Variants in PARD3B observed in about 807,000 individuals in gnomAD.
PARD3B encodes partitioning defective 3 homolog B.
In PARD3B, 103 loss-of-function variants were observed where a neutral mutation model predicts 130.2. The ratio of observed to expected loss-of-function variants is 0.79; its 90% confidence interval spans 0.67 to 0.93. The LOEUF (loss-of-function observed/expected upper bound fraction) is 0.93, where lower values mean the gene tolerates loss of function less well. Ranked by LOEUF, PARD3B falls within the 40% of genes least tolerant of loss-of-function variation. The pLI is 0.00. For synonymous variants in PARD3B, 583 were observed against 553.2 expected, an observed-to-expected ratio of 1.05 and a Z score of -0.76; for missense variants, 1,609 against 1,499.2, an observed-to-expected ratio of 1.07 and a Z score of -1.21.
intron 2 of PARD3B, among the ~76,000 whole-genome samples, chr2:204,928,033 A>G (rs1687762176): frequency 6.6e-6 from 1 of 152,132 alleles, no homozygotes; most frequent in Admixed American, 6.6e-5. Flanking sequence ...ATGAGTCCAC[A>G]TGTTAGCTGA....
chr2:205,206,529 C>T (rs1021071220), intron 15 of PARD3B, among the ~76,000 whole-genome samples: 4 of 151,182 alleles, frequency 2.6e-5, no homozygotes, highest in Non-Finnish European at 4.4e-5. Context: ...ATCCATGTCC[C>T]TACAAAGGAC....
intron 1 of PARD3B, among the ~76,000 whole-genome samples, chr2:204,666,718 GA>G (rs202241554): frequency 2.0e-5 from 3 of 150,488 alleles, no homozygotes; most frequent in South Asian, 2.1e-4. Context: ...CATTTGCTAT[GA>G]AAAAAAAACA....
chr2:205,214,461 T>C (rs1484234686), intron 15 of PARD3B, among the ~76,000 whole-genome samples: 1 of 150,490 alleles, frequency 6.6e-6, no homozygotes, highest in Non-Finnish European at 1.5e-5. Flanking sequence ...CAGTATTAGT[T>C]GTCACGAAAA....
At chr2:204,736,079 T>A (rs1055338418) in intron 2 of PARD3B, among the ~76,000 whole-genome samples, 2 of 152,058 alleles carry the variant, frequency 1.3e-5, no homozygotes, top group Admixed American at 1.3e-4. Context: ...AGAAGGCACA[T>A]CCCTCTTACT....
chr2:205,363,862 T>C (rs6435281), intron 18 of PARD3B, among the ~76,000 whole-genome samples: 13,513 of 95,266 alleles, frequency 0.14, 950 homozygotes, highest in Middle Eastern at 0.17. Flanking sequence ...TTTTTTTTTT[T>C]CGCCATGTTG....
At chr2:204,714,737 G>A (rs1012415877) in intron 2 of PARD3B, among the ~76,000 whole-genome samples, 9 of 152,132 alleles carry the variant, frequency 5.9e-5, no homozygotes, top group African/African-American at 2.2e-4. Flanking sequence ...TTAAAGCTCT[G>A]ATAACTTCAT....
chr2:205,082,284 G>T (rs1324313881), intron 4 of PARD3B, among the ~76,000 whole-genome samples: 1 of 152,082 alleles, frequency 6.6e-6, no homozygotes, highest in Admixed American at 6.5e-5. Context: ...CCCAGTAGAT[G>T]CCTGGAAACA....
chr2:205,257,295 C>G (rs1313046445), intron 16 of PARD3B, among the ~76,000 whole-genome samples: 1 of 151,856 alleles, frequency 6.6e-6, no homozygotes, highest in Non-Finnish European at 1.5e-5. Context: ...TTCAAAGTTA[C>G]CTTTTGAATG....
rs1207677210 is a variant in PARD3B at position 205,485,132 on chromosome 2, G to A, written c.3045-14764G>A. Among the ~76,000 whole-genome samples, 12 of 152,188 alleles carry A rather than the reference G, an allele frequency of 7.9e-5. No individual in the cohort carries two copies. The East Asian group carries it at 2.3e-3, about 29-fold the overall frequency. ...CTACTTTCCCTTAAAGTGCCAGTGG[G>A]AAAAGTCTTTGTCAACCCATAATGG... is the stretch of plus-strand genomic sequence containing the variant. On this transcript the variant is annotated intron_variant, in intron 20 of 22. Transcript: ENST00000406610.
chr2:204,961,187 G>A (rs1054131621), intron 2 of PARD3B, among the ~76,000 whole-genome samples: 1 of 152,200 alleles, frequency 6.6e-6, no homozygotes, highest in African/African-American at 2.4e-5. Context: ...AGAGGAGACA[G>A]GTGATCCAAT....
intron 2 of PARD3B, among the ~76,000 whole-genome samples, chr2:204,862,660 C>T (rs914170273): frequency 3.3e-5 from 5 of 152,124 alleles, no homozygotes; most frequent in Admixed American, 1.3e-4. Flanking sequence ...AAGAACCTCT[C>T]ACTAGGACAC....
intron 1 of PARD3B, among the ~76,000 whole-genome samples, chr2:204,556,193 ATG>A (rs1559153908): frequency 6.6e-6 from 1 of 152,176 alleles, no homozygotes; most frequent in Non-Finnish European, 1.5e-5. Flanking sequence ...TATCACCAAA[ATG>A]TAGTAGCTGA....
intron 1 of PARD3B, among the ~76,000 whole-genome samples, chr2:204,625,547 G>A (rs1436576500): frequency 6.6e-6 from 1 of 152,128 alleles, no homozygotes; most frequent in African/African-American, 2.4e-5. Context: ...TAAAATACAT[G>A]ACATTGGTAC....
chr2:205,292,847 A>G lies in PARD3B; in HGVS notation c.2186-7683A>G, dbSNP rs1227966576. On this transcript the variant is annotated intron_variant, in intron 16 of 22. Coordinates refer to ENST00000406610, the MANE Select transcript of PARD3B (RefSeq NM_001302769.2). This position sits in a 1 kb window ranked among gnomAD's most constrained non-coding sequence, Gnocchi z 5.3. ...TTAGTTATAGTCACATTTATCTTCCATTCCTCTTAGGACCAAGCACAGTTA... is the reference window on the plus strand; with the variant it reads ...TTAGTTATAGTCACATTTATCTTCCGTTCCTCTTAGGACCAAGCACAGTTA... 6.6e-6 allele frequency among the ~76,000 whole-genome samples: 1 copy of G among 152,210 alleles called. No individual in the cohort carries two copies. The highest frequency in any genetic ancestry group is 2.4e-5 in the African/African-American group (1 of 41,456).
intron 1 of PARD3B, among the ~76,000 whole-genome samples, chr2:204,583,955 G>A (rs1356297079): frequency 6.6e-6 from 1 of 152,250 alleles, no homozygotes; most frequent in Admixed American, 6.5e-5. Context: ...GCTTGCCCAA[G>A]TTCCTGGTGA....
At chr2:205,221,948 A>G (rs980079032) in intron 15 of PARD3B, among the ~76,000 whole-genome samples, 1 of 152,118 alleles carries the variant, frequency 6.6e-6, no homozygotes, top group Non-Finnish European at 1.5e-5. Context: ...TCTGGGGCCT[A>G]TTGGAGGGTG....
intron 3 of PARD3B, among the ~76,000 whole-genome samples, chr2:204,977,684 C>A (rs965409088): frequency 6.6e-6 from 1 of 151,806 alleles, no homozygotes; most frequent in Admixed American, 6.6e-5. Context: ...TGGTGGCGGG[C>A]GCCTGTAGTC....
At chr2:204,820,293 T>C (rs1205328316) in intron 2 of PARD3B, among the ~76,000 whole-genome samples, 1 of 150,936 alleles carries the variant, frequency 6.6e-6, no homozygotes, top group African/African-American at 2.4e-5. Context: ...GTCAGGCTGG[T>C]CTTGAACTCC....
Position 205,574,871 on chromosome 2 carries a change from AAAG to A in PARD3B, c.3260+21471_3260+21473del, listed in dbSNP as rs1173751184. ...ACTGAGGAGTAAAAAAAAAAAAAAA[AAAG>A]AAAGAAAGAAAGAAGTCATACCAAA... is the stretch of plus-strand genomic sequence containing the variant. On this transcript the variant is annotated intron_variant, in intron 22 of 22. Coordinates refer to ENST00000406610, the MANE Select transcript of PARD3B (RefSeq NM_001302769.2). 6.7e-4 allele frequency among the ~76,000 whole-genome samples: 101 copies of A among 150,348 alleles called. No individual in the cohort carries two copies. In the East Asian group the frequency reaches 0.017, roughly 25 times the overall value.
Sources: allele counts gnomAD v4.1 joint callset (sites outside exome capture counted in the v4.1 genomes callset), GRCh38; gene constraint gnomAD v4.1.1; non-coding constraint Gnocchi (gnomAD v3.1); transcripts MANE v1.5; gene names NCBI Gene and HGNC (gene_info 2026-07-23, HGNC 2026-07-21).